BCAS3: variants seen among roughly 807,000 people sequenced by gnomAD.
BCAS3 encodes the protein BCAS3 microtubule associated cell migration factor.
A neutral mutation model predicts 116.1 loss-of-function variants in BCAS3; 53 were observed. The observed-to-expected ratio is 0.46, with a 90% CI of 0.37 to 0.57. The LOEUF (loss-of-function observed/expected upper bound fraction) is 0.57, where lower values mean the gene tolerates loss of function less well. Ranked by LOEUF, BCAS3 falls within the 20% of genes least tolerant of loss-of-function variation. The pLI is 0.00. For missense variants in BCAS3, 917 were observed against 1,165.4 expected (o/e 0.79, Z 3.10); for synonymous variants, 391 against 408.2 (o/e 0.96, Z 0.51).
intron 5 of BCAS3, among the ~76,000 whole-genome samples, chr17:60,726,441 C>A (rs1438186736): frequency 2.3e-4 from 33 of 143,308 alleles, no homozygotes; most frequent in South Asian, 6.8e-4. Context: ...CTCAGGTGAT[C>A]TGCCCGCCTT....
chr17:61,245,294 C>G (rs2047853603), intron 22 of BCAS3: 1 of 152,086 alleles, frequency 6.6e-6, no homozygotes, highest in Non-Finnish European at 1.5e-5. Flanking sequence ...TCCACCTGGT[C>G]CCTCCCAGGA....
intron 7 of BCAS3, among the ~76,000 whole-genome samples, chr17:60,845,283 G>A (rs1403414172): frequency 6.6e-6 from 1 of 152,162 alleles, no homozygotes; most frequent in Non-Finnish European, 1.5e-5. Flanking sequence ...AGTCCATCTC[G>A]TGAAGGTCTT....
chr17:61,150,206 T>C (rs982476649), intron 22 of BCAS3, among the ~76,000 whole-genome samples: 2 of 152,226 alleles, frequency 1.3e-5, no homozygotes, highest in African/African-American at 4.8e-5. Context: ...GATTGCTTAC[T>C]GTGGCTGTTT....
At chr17:61,310,192 C>T (rs896554078) in intron 22 of BCAS3, among the ~76,000 whole-genome samples, 1 of 152,134 alleles carries the variant, frequency 6.6e-6, no homozygotes, top group Non-Finnish European at 1.5e-5. Flanking sequence ...TGCTTTTATG[C>T]GTATGAGCTT....
chr17:61,079,241 A>G (rs2072319687), intron 21 of BCAS3, among the ~76,000 whole-genome samples: 4 of 152,280 alleles, frequency 2.6e-5, no homozygotes, highest in Middle Eastern at 6.8e-3. Context: ...AAAAAACTCT[A>G]TAGTATATCT....
intron 22 of BCAS3, among the ~76,000 whole-genome samples, chr17:61,174,280 C>T (rs1340827768): frequency 6.6e-6 from 1 of 152,210 alleles, no homozygotes; most frequent in Non-Finnish European, 1.5e-5. Flanking sequence ...CTCCTCCTTA[C>T]TAAAACTTTG....
In BCAS3 at chr17:61,279,777, GAA is replaced by G. The variant is rs879689269; in HGVS notation, c.2426-88537_2426-88536del. Among the ~76,000 whole-genome samples, 1 of 136,698 alleles carries G rather than the reference GAA, an allele frequency of 7.3e-6. No homozygotes were observed. Among genetic ancestry groups the G allele is most frequent in the Non-Finnish European group, 1.6e-5 (1 of 62,922 alleles). 89.7% of individuals were successfully genotyped at this position (136,698 alleles called of 152,430 possible). A position where few individuals can be genotyped will look rare whatever the true frequency, so the allele number is the denominator to read the frequency against. On this transcript the variant is annotated intron_variant, in intron 22 of 23. Coordinates refer to ENST00000407086, the MANE Select transcript of BCAS3 (RefSeq NM_017679.5). The surrounding 1 kb of genome is among the most constrained non-coding windows in gnomAD (Gnocchi z 4.4). Reference sequence around the variant, plus strand: ...GCACTGGTCCCTCTGCTTGAGTGAAGAAAAAAAAAAAAAACTAGGCAGGTAAC... The same window carrying G: ...GCACTGGTCCCTCTGCTTGAGTGAAGAAAAAAAAAAAACTAGGCAGGTAAC...
chr17:60,951,497 A>G (rs1028209788), intron 14 of BCAS3, among the ~76,000 whole-genome samples: 4 of 152,134 alleles, frequency 2.6e-5, no homozygotes, highest in East Asian at 1.9e-4. Context: ...TTGCTTGTCA[A>G]TTTGTTGTGC....
At position 61,095,142 on chromosome 17, in the gene BCAS3, T is replaced by C. The variant is rs1203866841; in HGVS notation, c.2425+10578T>C. 1.3e-5 allele frequency among the ~76,000 whole-genome samples: 2 copies of C among 152,244 alleles called. No individual in the cohort carries two copies. Among genetic ancestry groups the C allele is most frequent in the East Asian group, 3.8e-4 (2 of 5,200 alleles). Reference sequence around the variant, plus strand: ...CCCCAGAACCTGAAAATGCTATTAATATACTTTATCTTTTAGCAGTTACGT... The same window carrying C: ...CCCCAGAACCTGAAAATGCTATTAACATACTTTATCTTTTAGCAGTTACGT... On this transcript the variant is annotated intron_variant, in intron 22 of 23. Coordinates refer to ENST00000407086, the MANE Select transcript of BCAS3 (RefSeq NM_017679.5). This position sits in a 1 kb window ranked among gnomAD's most constrained non-coding sequence, Gnocchi z 4.7.
chr17:60,985,095 T>A (rs1825338900), intron 14 of BCAS3, among the ~76,000 whole-genome samples: 1 of 150,696 alleles, frequency 6.6e-6, no homozygotes, highest in Admixed American at 6.6e-5. Context: ...GGTACCCATC[T>A]CCTCAAGCAT....
In BCAS3 at chr17:61,261,467, G is replaced by T. The variant is rs2049195527; in HGVS notation, c.2426-106860G>T. Among the ~76,000 whole-genome samples the T allele has an allele frequency of 6.6e-6, 1 of 152,126 alleles. No individual in the cohort carries two copies. The highest frequency in any genetic ancestry group is 1.5e-5 in the Non-Finnish European group (1 of 68,034). On this transcript the variant is annotated intron_variant, in intron 22 of 23. Coordinates refer to ENST00000407086, the MANE Select transcript of BCAS3 (RefSeq NM_017679.5). The surrounding 1 kb of genome is among the most constrained non-coding windows in gnomAD (Gnocchi z 4.4). ...TTTTTATCATTCCTTTCCAGATTGTGTGGGCCACACTGTAGCATTTTGTCC... is the reference window on the plus strand; with the variant it reads ...TTTTTATCATTCCTTTCCAGATTGTTTGGGCCACACTGTAGCATTTTGTCC...
At chr17:60,722,759 C>CAA (rs571361987) in intron 5 of BCAS3, among the ~76,000 whole-genome samples, 5 of 77,400 alleles carry the variant, frequency 6.5e-5, no homozygotes, top group Admixed American at 1.5e-4. Flanking sequence ...GACTCTGTCT[C>CAA]AAAAAAAAAA....
chr17:60,765,246 G>T (rs2043971192), intron 6 of BCAS3, among the ~76,000 whole-genome samples: 1 of 152,166 alleles, frequency 6.6e-6, no homozygotes, highest in Non-Finnish European at 1.5e-5. Flanking sequence ...ATGTTAGCTA[G>T]TTATTTTGCC....
At chr17:61,135,604 G>A (rs1477381130) in intron 22 of BCAS3, among the ~76,000 whole-genome samples, 1 of 152,164 alleles carries the variant, frequency 6.6e-6, no homozygotes, top group Non-Finnish European at 1.5e-5. Context: ...CATCATAGAA[G>A]GGCTTAGCAG....
intron 7 of BCAS3, among the ~76,000 whole-genome samples, chr17:60,829,079 T>G (rs1320450963): frequency 6.7e-6 from 1 of 148,818 alleles, no homozygotes. Flanking sequence ...TCCAAGAAGA[T>G]AAAAATCTGT....
chr17:60,881,347 A>G (rs917145971), intron 9 of BCAS3, among the ~76,000 whole-genome samples: 1 of 152,054 alleles, frequency 6.6e-6, no homozygotes, highest in Non-Finnish European at 1.5e-5. Context: ...AGTCCAATTT[A>G]TGTATTTTTC....
At position 61,315,798 on chromosome 17, in the gene BCAS3, T is replaced by C. The variant is rs1213002263; in HGVS notation, c.2426-52529T>C. Among the ~76,000 whole-genome samples, 2 of 152,086 alleles carry C rather than the reference T, an allele frequency of 1.3e-5. No homozygotes were observed. The highest frequency in any genetic ancestry group is 2.4e-5 in the African/African-American group (1 of 41,406). ...CTCTGCCCTCCCATCTGCCTCCACA[T>C]GCCGCTGCGTCCCCTCCACGGCTCC... is the stretch of plus-strand genomic sequence containing the variant. On this transcript the variant is annotated intron_variant, in intron 22 of 23. Transcript: ENST00000407086. This position sits in a 1 kb window ranked among gnomAD's most constrained non-coding sequence, Gnocchi z 5.3.
chr17:60,689,707 A>T lies in BCAS3; in HGVS notation c.160A>T (p.Thr54Ser), dbSNP rs1256163394. ...VPQAYSGTPLTEEKEKIVWVR... is the reference protein window; with the variant it reads ...VPQAYSGTPLSEEKEKIVWVR... ...GCAGGCTTACAGTGGAACACCTCTA[A>T]CAGAAGAAAAGGAGAAAATAGTCTG... Residue 54 changes from threonine to serine, a missense_variant, in exon 4 of 24, where the codon ACA (threonine) becomes TCA (serine). Thr to Ser is a moderately conservative substitution (Grantham distance 58, BLOSUM62 1). Coordinates refer to ENST00000407086, the MANE Select transcript of BCAS3 (RefSeq NM_017679.5). 6.2e-7 allele frequency: 1 copy of T among 1,607,314 alleles called. No homozygotes were observed. Among genetic ancestry groups the T allele is most frequent in the Admixed American group, 1.7e-5 (1 of 59,908 alleles).
chr17:61,101,409 G>C (rs2074320630), intron 22 of BCAS3, among the ~76,000 whole-genome samples: 1 of 152,124 alleles, frequency 6.6e-6, no homozygotes, highest in South Asian at 2.1e-4. Context: ...AGGAATACCA[G>C]TGTTTGAAAC....
Sources: gnomAD v4.1 joint callset for allele counts (sites outside exome capture counted in the v4.1 genomes callset) on GRCh38, gnomAD v4.1.1 for gene constraint, Gnocchi (gnomAD v3.1) non-coding constraint, MANE v1.5 for transcripts, NCBI Gene and HGNC (gene_info 2026-07-23, HGNC 2026-07-21) for gene names.